The following RHBDL2 variants were observed in gnomAD, a reference collection of about 807,000 sequenced individuals.
RHBDL2 encodes rhomboid like 2, also known as rhomboid-related protein 2.
Under a neutral mutation model 31.7 loss-of-function variants are expected in RHBDL2, and 26 were observed. The ratio of observed to expected loss-of-function variants is 0.82; its 90% CI spans 0.60 to 1.14. The LOEUF (loss-of-function observed/expected upper bound fraction) is 1.14, where lower values mean the gene tolerates loss of function less well. RHBDL2 is among the 50% of genes most tolerant of loss of function. The pLI is 0.00. For missense variants in RHBDL2, 336 were observed against 364.4 expected, an observed-to-expected ratio of 0.92 and a Z score of 0.63; for synonymous variants, 123 against 127.2, an observed-to-expected ratio of 0.97 and a Z score of 0.22.
intron 1 of RHBDL2, among the ~76,000 whole-genome samples, chr1:38,927,875 AG>A (rs1243053934): frequency 2.0e-5 from 3 of 152,174 alleles, no homozygotes; most frequent in African/African-American, 7.2e-5. Flanking sequence ...AAAGAAACCC[AG>A]GCTCCCAAAG....
intron 1 of RHBDL2, among the ~76,000 whole-genome samples, chr1:38,923,795 A>T (rs905608428): frequency 6.6e-6 from 1 of 152,164 alleles, no homozygotes; most frequent in Non-Finnish European, 1.5e-5. Context: ...CTGCTTTCTT[A>T]CTCACTAAGC....
At chr1:38,895,589 A>G (rs965337515) in intron 5 of RHBDL2, among the ~76,000 whole-genome samples, 10 of 152,172 alleles carry the variant, frequency 6.6e-5, no homozygotes. Context: ...AGATCGCTTG[A>G]GCCTAGGAGT....
At chr1:38,888,563 TAA>T (rs538473469) in intron 6 of RHBDL2, among the ~76,000 whole-genome samples, 96 of 152,248 alleles carry the variant, frequency 6.3e-4, no homozygotes, top group African/African-American at 2.2e-3. Context: ...CTATTTGACA[TAA>T]GAGTGTTTCA....
chr1:38,941,130 G>C (rs1643556123), intron 1 of RHBDL2, among the ~76,000 whole-genome samples: 1 of 152,210 alleles, frequency 6.6e-6, no homozygotes, highest in African/African-American at 2.4e-5. Flanking sequence ...CTCAAACAGT[G>C]ATGAATAAAC....
At chr1:38,895,896 C>CATT (rs1642912594) in intron 5 of RHBDL2, 73 bp downstream of exon 5, 3 of 918,292 alleles carry the variant, frequency 3.3e-6, no homozygotes, top group Admixed American at 2.3e-5. Context: ...AATGAAGGTT[C>CATT]GTTGAAACAA....
intron 6 of RHBDL2, among the ~76,000 whole-genome samples, chr1:38,890,321 A>G (rs1030967939): frequency 2.6e-5 from 4 of 152,182 alleles, no homozygotes; most frequent in Non-Finnish European, 5.9e-5. Flanking sequence ...TGCCTGGCCC[A>G]TATTTTCAAT....
At chr1:38,934,144 T>G (rs1010668680) in intron 1 of RHBDL2, among the ~76,000 whole-genome samples, 2 of 103,786 alleles carry the variant, frequency 1.9e-5, no homozygotes, top group Non-Finnish European at 4.8e-5. Flanking sequence ...GGCCAGGAGT[T>G]CAAGACCAGC....
At chr1:38,938,377 A>C (rs1425351589) in intron 1 of RHBDL2, among the ~76,000 whole-genome samples, 1 of 152,176 alleles carries the variant, frequency 6.6e-6, no homozygotes, top group African/African-American at 2.4e-5. Flanking sequence ...AACGAGGCAC[A>C]GAAAGACCTC....
At chr1:38,897,274 G>T (rs1642930601) in intron 4 of RHBDL2, among the ~76,000 whole-genome samples, 1 of 152,022 alleles carries the variant, frequency 6.6e-6, no homozygotes, top group South Asian at 2.1e-4. Flanking sequence ...CTAATTTTTT[G>T]TGTTTTTAGT....
intron 6 of RHBDL2, among the ~76,000 whole-genome samples, chr1:38,891,604 C>T (rs1642855708): frequency 6.6e-6 from 1 of 152,114 alleles, no homozygotes; most frequent in Non-Finnish European, 1.5e-5. Context: ...ACTCACTCTC[C>T]CTTCTCTTAG....
At chr1:38,898,256 A>G (rs1642945101) in intron 4 of RHBDL2, among the ~76,000 whole-genome samples, 1 of 152,208 alleles carries the variant, frequency 6.6e-6, no homozygotes, top group Non-Finnish European at 1.5e-5. Flanking sequence ...GGGAGCTGAG[A>G]TCGCACCACT....
intron 1 of RHBDL2, among the ~76,000 whole-genome samples, chr1:38,931,687 A>T (rs1643441052): frequency 6.6e-6 from 1 of 151,836 alleles, no homozygotes; most frequent in African/African-American, 2.4e-5. Context: ...TAGGCTCTGG[A>T]AACACATGGG....
chr1:38,887,972 ATCT>A lies in RHBDL2; in HGVS notation c.720_722del (p.Glu240del), dbSNP rs769993688. On this transcript the variant is annotated inframe_deletion, in exon 7 of 8. Coordinates refer to ENST00000372990, the MANE Select transcript of RHBDL2 (RefSeq NM_017821.5). ...AAGAAACTGAACTCACCGGAGACCC[ATCT>A]TCAGGAACAAAGAACCTTCTATAGA... 2 of 1,609,874 alleles carry A rather than the reference ATCT, an allele frequency of 1.2e-6. No individual in the cohort carries two copies. Among genetic ancestry groups the A allele is most frequent in the Non-Finnish European group, 1.7e-6 (2 of 1,176,278 alleles).
chr1:38,903,386 T>C (rs1461186558), intron 4 of RHBDL2, among the ~76,000 whole-genome samples: 1 of 151,818 alleles, frequency 6.6e-6, no homozygotes, highest in Non-Finnish European at 1.5e-5. Flanking sequence ...GCGATCCACC[T>C]GCCTCAGCCT....
Position 38,929,058 on chromosome 1 carries a change from C to T in RHBDL2, c.-125-9721G>A, listed in dbSNP as rs566405385. On this transcript the variant is annotated intron_variant, in intron 1 of 7. Transcript: ENST00000372990. ...TTGCACTCCAGCCTGGGTGACAGAG[C>T]GAAACCCTGTCTCCAAAACCTAAAT... Among the ~76,000 whole-genome samples the T allele has an allele frequency of 1.3e-4, 19 of 151,928 alleles. No individual in the cohort carries two copies. In the South Asian group the frequency reaches 1.9e-3, roughly 15 times the overall value.
intron 2 of RHBDL2, 114 bp from the exon 3 acceptor site, chr1:38,915,824 A>C (rs2124333213): frequency 1.1e-6 from 1 of 908,836 alleles, no homozygotes; most frequent in Middle Eastern, 3.1e-4. Context: ...GGGCCACACC[A>C]TAGTGCCAGA....
At chr1:38,931,240 G>A (rs143390922) in intron 1 of RHBDL2, among the ~76,000 whole-genome samples, 47 of 152,256 alleles carry the variant, frequency 3.1e-4, no homozygotes, top group South Asian at 4.1e-4. Flanking sequence ...ATCTGCAGGC[G>A]GCCAGGCACT....
rs572613478 is a variant in RHBDL2, at chr1:38,939,999, T to A, written c.-126+1683A>T. On this transcript the variant is annotated intron_variant, in intron 1 of 7. Transcript: ENST00000372990. ...CCTGGTCTTTCTAATACAGAGAAACTTGAAAGACAGCAAGCACCAGAGCAA... is the reference window on the plus strand; with the variant it reads ...CCTGGTCTTTCTAATACAGAGAAACATGAAAGACAGCAAGCACCAGAGCAA... Among the ~76,000 whole-genome samples the A allele has an allele frequency of 9.9e-5, 15 of 152,218 alleles. No homozygotes were observed. The South Asian group carries it at 2.1e-3, about 21-fold the overall frequency.
At chr1:38,903,205 T>C (rs1180275093) in intron 4 of RHBDL2, among the ~76,000 whole-genome samples, 1 of 151,922 alleles carries the variant, frequency 6.6e-6, no homozygotes, top group East Asian at 1.9e-4. Flanking sequence ...AATGGCGCGA[T>C]CTTGGCTCAC....
Sources: gnomAD v4.1 joint callset for allele counts (sites outside exome capture counted in the v4.1 genomes callset) on GRCh38, gnomAD v4.1.1 for gene constraint, MANE v1.5 for transcripts, NCBI Gene and HGNC (gene_info 2026-07-23, HGNC 2026-07-21) for gene names.